The following COL23A1 variants were observed in gnomAD, a reference collection of about 807,000 sequenced individuals.
The protein encoded by COL23A1 is collagen type XXIII alpha 1 chain, also known as collagen alpha-1(XXIII) chain.
COL23A1 carries 97 observed loss-of-function variants against 99.3 expected under a neutral mutation model. That is an observed-to-expected ratio of 0.98 (90% CI 0.83 to 1.16). The LOEUF is 1.16. Among genes scored for constraint, COL23A1 ranks in the 50% most tolerant of loss-of-function variants. COL23A1 has a pLI of 0.00. For synonymous variants in COL23A1, 320 were observed against 308.2 expected (o/e 1.04, Z -0.40); for missense variants, 762 against 757.4 (o/e 1.01, Z -0.07).
At chr5:178,238,889 T>G (rs1017458470) in intron 28 of COL23A1, among the ~76,000 whole-genome samples, 189 bp from the exon 29 acceptor site, 4 of 152,040 alleles carry the variant, frequency 2.6e-5, no homozygotes. Flanking sequence ...CTGGTCCAGG[T>G]GTCAGTTGAG....
intron 27 of COL23A1, among the ~76,000 whole-genome samples, chr5:178,239,475 T>C (rs72819009): frequency 0.11 from 17,121 of 152,192 alleles, 1,279 homozygotes; most frequent in African/African-American, 0.21. Flanking sequence ...GGATGAGCAT[T>C]GTGCCAGACA....
chr5:178,251,925 T>C (rs6888654), intron 17 of COL23A1, among the ~76,000 whole-genome samples: 283 of 142,852 alleles, frequency 2.0e-3, no homozygotes, highest in Middle Eastern at 7.2e-3. Context: ...TTTTTTTTTT[T>C]ATTTTGAGAC....
intron 2 of COL23A1, among the ~76,000 whole-genome samples, chr5:178,412,466 C>A (rs1765102169): frequency 6.6e-6 from 1 of 152,164 alleles, no homozygotes; most frequent in Non-Finnish European, 1.5e-5. Flanking sequence ...CTCCAATTCC[C>A]AAAGTCAAGA....
At chr5:178,581,721 G>A (rs950856585) in intron 1 of COL23A1, among the ~76,000 whole-genome samples, 2 of 152,096 alleles carry the variant, frequency 1.3e-5, no homozygotes, top group African/African-American at 2.4e-5. Context: ...TAGGGGGAGG[G>A]TGTATGCCAC....
chr5:178,294,611 A>T (rs1757647141), intron 3 of COL23A1, among the ~76,000 whole-genome samples: 1 of 152,228 alleles, frequency 6.6e-6, no homozygotes, highest in African/African-American at 2.4e-5. Context: ...AAAAAAATGA[A>T]ATTGGATCCC....
intron 2 of COL23A1, among the ~76,000 whole-genome samples, chr5:178,499,555 T>C (rs1170228696): frequency 6.6e-6 from 1 of 152,188 alleles, no homozygotes; most frequent in Non-Finnish European, 1.5e-5. Flanking sequence ...CTCAAAACTG[T>C]CAAGGTCATC....
chr5:178,309,817 C>A lies in COL23A1; in HGVS notation c.362-2898G>T, dbSNP rs1312474518. 6.6e-6 allele frequency among the ~76,000 whole-genome samples: 1 copy of A among 152,108 alleles called. No individual in the cohort carries two copies. The highest frequency in any genetic ancestry group is 2.4e-5 in the African/African-American group (1 of 41,406). On this transcript the variant is annotated intron_variant, in intron 2 of 28. Transcript: ENST00000390654. The surrounding 1 kb of genome is among the most constrained non-coding windows in gnomAD (Gnocchi z 4.7). ...CCACTCTGCCACTCGCTCTGCTGTG[C>A]TCGATTCTCCCTCCTGGCACAAAGG...
Position 178,309,565 on chromosome 5 carries a change from C to A in COL23A1, c.362-2646G>T, listed in dbSNP as rs57050573. On this transcript the variant is annotated intron_variant, in intron 2 of 28. Coordinates refer to ENST00000390654, the MANE Select transcript of COL23A1 (RefSeq NM_173465.4). The surrounding 1 kb of genome is among the most constrained non-coding windows in gnomAD (Gnocchi z 4.7). ...CAAGCGGTCTACCCTTTATTCTGAG[C>A]TCTGTACCTAAATGTCCAACTCCAC... is the stretch of plus-strand genomic sequence containing the variant. 0.023 allele frequency among the ~76,000 whole-genome samples: 3,484 copies of A among 152,106 alleles called. 131 individuals carry two copies. Among genetic ancestry groups the A allele is most frequent in the African/African-American group, 0.08 (3,312 of 41,446 alleles).
Position 178,481,131 on chromosome 5 carries a change from C to CAA in COL23A1, c.361+79549_361+79550dup, listed in dbSNP as rs10625763. 1.1e-3 allele frequency among the ~76,000 whole-genome samples: 111 copies of CAA among 102,278 alleles called. 2 individuals carry two copies. The highest frequency in any genetic ancestry group is 5.2e-3 in the Middle Eastern group (1 of 192). 67.1% of individuals were successfully genotyped at this position (102,278 alleles called of 152,430 possible). ...CCACTGCACTCCAGAGACTGTCTCTCAAAAAAAAAAAAAAAAAAAGAAAGA... is the reference window on the plus strand; with the variant it reads ...CCACTGCACTCCAGAGACTGTCTCTCAAAAAAAAAAAAAAAAAAAAAGAAAGA... On this transcript the variant is annotated intron_variant, in intron 2 of 28. Transcript: ENST00000390654.
intron 2 of COL23A1, among the ~76,000 whole-genome samples, chr5:178,333,295 C>T (rs529229137): frequency 6.6e-6 from 1 of 152,162 alleles, no homozygotes; most frequent in Non-Finnish European, 1.5e-5. Context: ...CCAAAAAAGC[C>T]CTGGAAGGTC....
At chr5:178,500,224 A>G (rs1758446158) in intron 2 of COL23A1, among the ~76,000 whole-genome samples, 2 of 152,118 alleles carry the variant, frequency 1.3e-5, no homozygotes, top group Non-Finnish European at 2.9e-5. Flanking sequence ...GTATACATAT[A>G]TGTCAAACTT....
chr5:178,270,260 G>C, intron 6 of COL23A1, 77 bp downstream of exon 6: 1 of 1,561,684 alleles, frequency 6.4e-7, no homozygotes, highest in South Asian at 1.1e-5. Context: ...CTTCCCTCCA[G>C]TGCCTGCTGG....
chr5:178,337,349 C>T (rs1313831422), intron 2 of COL23A1, among the ~76,000 whole-genome samples: 2 of 152,256 alleles, frequency 1.3e-5, no homozygotes, highest in Admixed American at 6.5e-5. Flanking sequence ...CGTTTGTAAA[C>T]CAACAGATTT....
intron 1 of COL23A1, among the ~76,000 whole-genome samples, chr5:178,570,309 A>T (rs1763029066): frequency 6.6e-6 from 1 of 151,858 alleles, no homozygotes; most frequent in Non-Finnish European, 1.5e-5. Flanking sequence ...GGGTTTCATC[A>T]TGTTGCCCAA....
At chr5:178,355,339 T>A (rs1761578154) in intron 2 of COL23A1, among the ~76,000 whole-genome samples, 1 of 152,056 alleles carries the variant, frequency 6.6e-6, no homozygotes, top group African/African-American at 2.4e-5. Flanking sequence ...CAGTCCAGAT[T>A]TGGGTATCTG....
intron 2 of COL23A1, among the ~76,000 whole-genome samples, chr5:178,534,301 A>G (rs1760811615): frequency 6.6e-6 from 1 of 152,116 alleles, no homozygotes; most frequent in Non-Finnish European, 1.5e-5. Context: ...AAGGGCAATA[A>G]TGCCACTCAT....
chr5:178,492,658 C>A (rs968992969), intron 2 of COL23A1, among the ~76,000 whole-genome samples: 32 of 151,210 alleles, frequency 2.1e-4, no homozygotes, highest in African/African-American at 7.5e-4. Flanking sequence ...TGAAGGAGGC[C>A]AGGCAAGAAG....
chr5:178,538,345 G>A (rs1021837901), intron 2 of COL23A1, among the ~76,000 whole-genome samples: 3 of 152,088 alleles, frequency 2.0e-5, no homozygotes, highest in Non-Finnish European at 2.9e-5. Flanking sequence ...AGGGACCCAC[G>A]CTTTTATAAA....
At chr5:178,498,089 G>A (rs1758286990) in intron 2 of COL23A1, among the ~76,000 whole-genome samples, 1 of 150,370 alleles carries the variant, frequency 6.7e-6, no homozygotes, top group South Asian at 2.1e-4. Context: ...TATAGACTCT[G>A]GGTGCGGTGG....
Sources: allele counts gnomAD v4.1 joint callset (sites outside exome capture counted in the v4.1 genomes callset), GRCh38; gene constraint gnomAD v4.1.1; non-coding constraint Gnocchi (gnomAD v3.1); transcripts MANE v1.5; gene names NCBI Gene and HGNC (gene_info 2026-07-23, HGNC 2026-07-21).